The following ATG7 variants were observed in gnomAD, a reference collection of about 807,000 sequenced individuals.
The protein encoded by ATG7 is autophagy related 7, also known as ubiquitin-like modifier-activating enzyme ATG7.
Under a neutral mutation model 82.4 loss-of-function variants are expected in ATG7, and 70 were observed. That is an observed-to-expected ratio of 0.85 (90% CI 0.70 to 1.04). The LOEUF is 1.04. ATG7 is among the 50% of genes least tolerant of loss of function. The pLI is 0.00. For synonymous variants in ATG7, 287 were observed against 313.0 expected, an observed-to-expected ratio of 0.92 and a Z score of 0.88; for missense variants, 792 against 864.3, an observed-to-expected ratio of 0.92 and a Z score of 1.05.
chr3:11,427,193 T>C (rs1307781481), intron 20 of ATG7, among the ~76,000 whole-genome samples: 1 of 152,198 alleles, frequency 6.6e-6, no homozygotes, highest in Non-Finnish European at 1.5e-5. Context: ...AGGCACCTCT[T>C]GTCCTTACTG....
At chr3:11,354,972 T>C (rs1219381914) in intron 14 of ATG7, among the ~76,000 whole-genome samples, 1 of 152,210 alleles carries the variant, frequency 6.6e-6, no homozygotes, top group Non-Finnish European at 1.5e-5. Context: ...GGAGATTCTC[T>C]TGGTCTCAGT....
chr3:11,378,554 G>A (rs1202392083), intron 18 of ATG7, among the ~76,000 whole-genome samples: 1 of 150,750 alleles, frequency 6.6e-6, no homozygotes, highest in Non-Finnish European at 1.5e-5. Flanking sequence ...GTGTGGTGGT[G>A]GGCGCCTGTA....
In ATG7 at chr3:11,297,632, A is replaced by G. The variant is rs142258512; in HGVS notation, c.-10-1054A>G. ...AGGGGGAAATGAAATAATAAAATAT[A>G]TATCATGGCACAAAATACAAAATTT... On this transcript the variant is annotated intron_variant, in intron 3 of 20. Transcript: ENST00000693202. Among the ~76,000 whole-genome samples, 5 of 152,246 alleles carry G rather than the reference A, an allele frequency of 3.3e-5. No homozygotes were observed. In the East Asian group the frequency reaches 9.6e-4, roughly 29 times the overall value.
chr3:11,281,896 A>G (rs1191997571), intron 2 of ATG7, among the ~76,000 whole-genome samples: 1 of 152,234 alleles, frequency 6.6e-6, no homozygotes, highest in Admixed American at 6.5e-5. Context: ...TTCTTTAAAC[A>G]TACCAGAAAT....
intron 20 of ATG7, among the ~76,000 whole-genome samples, chr3:11,539,211 C>T (rs2070618107): frequency 6.6e-6 from 1 of 152,130 alleles, no homozygotes; most frequent in Non-Finnish European, 1.5e-5. Flanking sequence ...CCCACTAACT[C>T]ATTTCATGGT....
chr3:11,519,131 T>C (rs2092365294), intron 20 of ATG7, among the ~76,000 whole-genome samples: 3 of 152,222 alleles, frequency 2.0e-5, no homozygotes, highest in Admixed American at 6.5e-5. Context: ...CTGTTATTAT[T>C]TGAAAATATT....
chr3:11,472,102 G>T (rs1476431492), intron 20 of ATG7, among the ~76,000 whole-genome samples: 1 of 151,988 alleles, frequency 6.6e-6, no homozygotes, highest in Admixed American at 6.6e-5. Flanking sequence ...TTTGTTTGGA[G>T]GTTAGACTCT....
chr3:11,574,173 T>C, the ATG7 span, among the ~76,000 whole-genome samples: 1 of 152,194 alleles, frequency 6.6e-6, no homozygotes, highest in South Asian at 2.1e-4. Flanking sequence ...CCCTGTGTTA[T>C]GGCAGCCCTA....
intron 5 of ATG7, among the ~76,000 whole-genome samples, chr3:11,300,182 C>A (rs1946570235): frequency 6.6e-6 from 1 of 152,166 alleles, no homozygotes; most frequent in African/African-American, 2.4e-5. Flanking sequence ...CTGCCTTGGC[C>A]TCCCAAAGTG....
At chr3:11,448,874 G>A (rs2084834452) in intron 20 of ATG7, among the ~76,000 whole-genome samples, 1 of 152,094 alleles carries the variant, frequency 6.6e-6, no homozygotes, top group Non-Finnish European at 1.5e-5. Context: ...GCAGGCCCTG[G>A]GGGTCTCTCT....
At chr3:11,345,044 A>C (rs749691205) in intron 13 of ATG7, among the ~76,000 whole-genome samples, 4 of 152,204 alleles carry the variant, frequency 2.6e-5, no homozygotes, top group Non-Finnish European at 4.4e-5. Flanking sequence ...ATTTAAATAA[A>C]TGAATTATCT....
At chr3:11,547,320 C>T (rs771751320) in intron 20 of ATG7, among the ~76,000 whole-genome samples, 3 of 152,122 alleles carry the variant, frequency 2.0e-5, no homozygotes, top group Admixed American at 1.3e-4. Context: ...TCAGGGCTGC[C>T]GGGAAGAGAG....
At chr3:11,537,641 A>G (rs922050446) in intron 20 of ATG7, among the ~76,000 whole-genome samples, 4 of 152,218 alleles carry the variant, frequency 2.6e-5, no homozygotes, top group Admixed American at 2.0e-4. Context: ...TCCTCAGTCA[A>G]TCCCAAGAGG....
intron 20 of ATG7, among the ~76,000 whole-genome samples, chr3:11,481,068 A>C (rs2088907217): frequency 6.6e-6 from 1 of 152,262 alleles, no homozygotes; most frequent in Non-Finnish European, 1.5e-5. Context: ...TTTATGTAAT[A>C]GTTGATCCTC....
chr3:11,396,132 T>C (rs1248110993), intron 19 of ATG7, among the ~76,000 whole-genome samples: 6 of 143,544 alleles, frequency 4.2e-5, no homozygotes, highest in Middle Eastern at 3.4e-3. Flanking sequence ...AAAAAAAAAG[T>C]ATAGAAAGTG....
chr3:11,412,680 C>T lies in ATG7; in HGVS notation c.1957-14124C>T, dbSNP rs1255799506. On this transcript the variant is annotated intron_variant, in intron 19 of 20. Transcript: ENST00000693202. Reference sequence around the variant, plus strand: ...GGCAATTAAGTGTCTCTTAAGATTACATATGAATTTTAGGATGGCTTTTTT... The same window carrying T: ...GGCAATTAAGTGTCTCTTAAGATTATATATGAATTTTAGGATGGCTTTTTT... Among the ~76,000 whole-genome samples the T allele has an allele frequency of 2.0e-5, 3 of 152,124 alleles. No homozygotes were observed. The East Asian group carries it at 5.8e-4, about 29-fold the overall frequency.
intron 20 of ATG7, among the ~76,000 whole-genome samples, chr3:11,438,016 A>G (rs1209121802): frequency 1.3e-5 from 2 of 152,244 alleles, no homozygotes; most frequent in Admixed American, 6.5e-5. Context: ...AGTTTTTTCC[A>G]ATAATACTTA....
chr3:11,372,785 TGGTA>T (rs942932613), intron 18 of ATG7, among the ~76,000 whole-genome samples: 1 of 150,210 alleles, frequency 6.7e-6, no homozygotes, highest in Non-Finnish European at 1.5e-5. Flanking sequence ...GCTACAAAGT[TGGTA>T]GGTAAGGGCT....
rs2072261158 is a variant in ATG7, at chr3:11,554,899, T to C, written c.*56T>C. 9 of 1,594,486 alleles carry C rather than the reference T, an allele frequency of 5.6e-6. No individual in the cohort carries two copies. Among genetic ancestry groups the C allele is most frequent in the South Asian group, 1.1e-5 (1 of 89,268 alleles). On this transcript the variant is annotated 3_prime_UTR_variant, in exon 21 of 21. Coordinates refer to ENST00000693202, the MANE Select transcript of ATG7 (RefSeq NM_001349232.2). ...CGGCCGCCTGCTGAGGAGCTCTCCA[T>C]CGCCAGAGCAGGACTGCTGACCCCA...
Sources: gnomAD v4.1 joint callset for allele counts (sites outside exome capture counted in the v4.1 genomes callset) on GRCh38, gnomAD v4.1.1 for gene constraint, MANE v1.5 for transcripts, NCBI Gene and HGNC (gene_info 2026-07-23, HGNC 2026-07-21) for gene names.